Variants in ME2 observed in about 807,000 individuals in gnomAD.
The protein encoded by ME2 is NAD-dependent malic enzyme, mitochondrial.
Under a neutral mutation model 73.7 loss-of-function variants are expected in ME2, and 60 were observed. The ratio of observed to expected loss-of-function variants is 0.81; its 90% CI spans 0.66 to 1.01. The LOEUF (loss-of-function observed/expected upper bound fraction) is 1.01, where lower values mean the gene tolerates loss of function less well. Among genes scored for constraint, ME2 ranks in the 50% least tolerant of loss-of-function variants. The pLI is 0.00. For synonymous variants in ME2, 199 were observed against 236.9 expected, an observed-to-expected ratio of 0.84 and a Z score of 1.47; for missense variants, 594 against 705.5, an observed-to-expected ratio of 0.84 and a Z score of 1.79.
intron 4 of ME2, among the ~76,000 whole-genome samples, chr18:50,913,860 T>TACACACACACACACACAC (rs1555677139): frequency 1.1e-3 from 153 of 143,282 alleles, no homozygotes; most frequent in Middle Eastern, 3.5e-3. Flanking sequence ...AGCAATATTA[T>TACACACACACACACACAC]ACACACACAC....
chr18:50,890,311 A>T (rs1225354681), intron 1 of ME2, among the ~76,000 whole-genome samples: 1 of 152,142 alleles, frequency 6.6e-6, no homozygotes, highest in Non-Finnish European at 1.5e-5. Context: ...ACAAGGTCTT[A>T]CTATGTTGCC....
At chr18:50,879,950 G>C (rs1916272807) in intron 1 of ME2, among the ~76,000 whole-genome samples, 1 of 152,162 alleles carries the variant, frequency 6.6e-6, no homozygotes, top group Admixed American at 6.6e-5. Flanking sequence ...TGGTTCCAGA[G>C]ATAATTCTAG....
intron 11 of ME2, 71 bp from the exon 12 acceptor site, chr18:50,925,685 G>C: frequency 7.7e-7 from 1 of 1,296,628 alleles, no homozygotes. Flanking sequence ...GCCTATTGTA[G>C]AAATGCTATT....
rs137905095 is a variant in ME2, at chr18:50,951,960, A to G, written c.*4776A>G. 67 of 151,714 alleles carry G rather than the reference A, an allele frequency of 4.4e-4. 1 individual carries two copies. Among genetic ancestry groups the G allele is most frequent in the African/African-American group, 1.6e-3 (65 of 41,298 alleles). 9.4% of individuals were successfully genotyped at this position (151,714 alleles called of 1,614,324 possible). A position where few individuals can be genotyped will look rare whatever the true frequency, so the allele number is the denominator to read the frequency against. On this transcript the variant is annotated 3_prime_UTR_variant, in exon 16 of 16. Transcript: ENST00000321341. ...GGGTCAGCTCTGGTGAGCCTATGTA[A>G]TACTCGAGAACATTAATATAAACCC...
At chr18:50,943,837 C>T (rs1468409145) in intron 15 of ME2, among the ~76,000 whole-genome samples, 1 of 151,930 alleles carries the variant, frequency 6.6e-6, no homozygotes, top group Admixed American at 6.6e-5. Context: ...ATTTTAGAGC[C>T]CAGAACTAGG....
intron 13 of ME2, among the ~76,000 whole-genome samples, chr18:50,938,003 G>A (rs1003140963): frequency 2.6e-5 from 4 of 152,166 alleles, no homozygotes; most frequent in Non-Finnish European, 5.9e-5. Flanking sequence ...TCAAGGCACA[G>A]TGTTATGAAA....
chr18:50,897,922 C>T (rs542004240), intron 2 of ME2, among the ~76,000 whole-genome samples: 2 of 152,004 alleles, frequency 1.3e-5, no homozygotes, highest in African/African-American at 4.8e-5. Flanking sequence ...TTCTGAAATC[C>T]CTAAGATTGA....
intron 1 of ME2, among the ~76,000 whole-genome samples, chr18:50,888,425 A>G (rs1054913576): frequency 2.0e-5 from 3 of 152,144 alleles, no homozygotes; most frequent in Non-Finnish European, 4.4e-5. Context: ...GGGAGGGAAT[A>G]CATTTATGAA....
At chr18:50,934,330 A>G (rs1239246135) in intron 13 of ME2, 4 of 152,216 alleles carry the variant, frequency 2.6e-5, no homozygotes, top group Non-Finnish European at 4.4e-5. Flanking sequence ...AATAACAGCT[A>G]TGGATACCAT....
intron 3 of ME2, among the ~76,000 whole-genome samples, chr18:50,910,364 A>G (rs1297991260): frequency 1.4e-5 from 2 of 147,900 alleles, no homozygotes; most frequent in African/African-American, 2.5e-5. Context: ...ACTTAAGCCC[A>G]GGAGGTCAAG....
intron 3 of ME2, 130 bp from the exon 4 acceptor site, chr18:50,912,671 T>G (rs894589665): frequency 7.9e-6 from 6 of 761,226 alleles, no homozygotes; most frequent in Admixed American, 6.2e-5. Context: ...AGGTTTTGGG[T>G]TTTTTTTAGA....
intron 1 of ME2, among the ~76,000 whole-genome samples, chr18:50,886,882 G>A (rs1916486244): frequency 6.6e-6 from 1 of 152,054 alleles, no homozygotes; most frequent in Non-Finnish European, 1.5e-5. Flanking sequence ...CATGCCTATA[G>A]TCCCAGCTAC....
chr18:50,889,330 AG>A (rs998944165), intron 1 of ME2, among the ~76,000 whole-genome samples: 10 of 152,290 alleles, frequency 6.6e-5, no homozygotes, highest in Admixed American at 5.2e-4. Context: ...GCTTTGGGGA[AG>A]GGGGTGCTGG....
chr18:50,915,950 C>T (rs1402612405), intron 4 of ME2: 6 of 381,662 alleles, frequency 1.6e-5, no homozygotes, highest in Admixed American at 4.5e-5. Flanking sequence ...ATGACTGTAT[C>T]ATTTAACAAT....
intron 14 of ME2, 71 bp downstream of exon 14, chr18:50,939,711 G>T: frequency 9.5e-7 from 1 of 1,055,576 alleles, no homozygotes. Context: ...AAAATTAAAG[G>T]CAGAGAGAGA....
intron 2 of ME2, among the ~76,000 whole-genome samples, chr18:50,901,940 C>G (rs77918209): frequency 1.3e-5 from 2 of 152,044 alleles, no homozygotes; most frequent in Non-Finnish European, 2.9e-5. Flanking sequence ...TAGTTCCTCC[C>G]GTAATACTAC....
chr18:50,928,453 T>C (rs1220649516), intron 12 of ME2, among the ~76,000 whole-genome samples: 3 of 151,188 alleles, frequency 2.0e-5, no homozygotes, highest in Non-Finnish European at 4.4e-5. Flanking sequence ...TTAGCCAGGA[T>C]GGTCTCGATT....
chr18:50,879,869 C>G (rs1323992392), intron 1 of ME2, among the ~76,000 whole-genome samples: 1 of 152,184 alleles, frequency 6.6e-6, no homozygotes, highest in Non-Finnish European at 1.5e-5. Context: ...GCAGGTGTTT[C>G]TTTCACGCTG....
intron 7 of ME2, 139 bp from the exon 8 acceptor site, chr18:50,920,313 CACAG>C: frequency 1.7e-6 from 1 of 587,608 alleles, no homozygotes; most frequent in Admixed American, 3.8e-5. Context: ...TCTAGTCTTT[CACAG>C]GCTCTGAAAT....
Sources: allele counts gnomAD v4.1 joint callset (sites outside exome capture counted in the v4.1 genomes callset), GRCh38; gene constraint gnomAD v4.1.1; transcripts MANE v1.5; gene names NCBI Gene and HGNC (gene_info 2026-07-23, HGNC 2026-07-21).